Variants in FRMD4A observed in about 807,000 individuals in gnomAD.
FRMD4A encodes FERM domain containing 4A.
FRMD4A carries 29 observed loss-of-function variants against 129.1 expected under a neutral mutation model. The observed-to-expected ratio is 0.22, with a 90% CI of 0.17 to 0.31. The LOEUF (loss-of-function observed/expected upper bound fraction) is 0.31. Among genes scored for constraint, FRMD4A ranks in the 10% least tolerant of loss-of-function variants. The pLI is 1.00. For synonymous variants in FRMD4A, 634 were observed against 571.6 expected (o/e 1.11, Z -1.56); for missense variants, 1,272 against 1,375.8 (o/e 0.92, Z 1.19).
chr10:13,816,382 G>C (rs2093542821), intron 3 of FRMD4A, among the ~76,000 whole-genome samples: 1 of 152,202 alleles, frequency 6.6e-6, no homozygotes, highest in Admixed American at 6.5e-5. Context: ...AGAGTTGATG[G>C]ATGGGCATGT....
chr10:14,038,264 A>G (rs1363655136), intron 2 of FRMD4A, among the ~76,000 whole-genome samples: 2 of 152,226 alleles, frequency 1.3e-5, no homozygotes, highest in African/African-American at 4.8e-5. Flanking sequence ...CGGAGCTTGC[A>G]GTGAGCCAAG....
At chr10:14,030,078 A>C (rs1359664839) in intron 2 of FRMD4A, among the ~76,000 whole-genome samples, 4 of 152,160 alleles carry the variant, frequency 2.6e-5, no homozygotes, top group African/African-American at 9.7e-5. Flanking sequence ...AACAGGGTAG[A>C]ATGTGGTTTC....
At chr10:14,177,369 C>T (rs907581397) in intron 2 of FRMD4A, among the ~76,000 whole-genome samples, 10 of 152,114 alleles carry the variant, frequency 6.6e-5, no homozygotes, top group East Asian at 3.9e-4. Flanking sequence ...GATGGGGTTT[C>T]GCTATGTTGG....
At chr10:13,981,857 G>A (rs1002786444) in intron 2 of FRMD4A, among the ~76,000 whole-genome samples, 3 of 152,126 alleles carry the variant, frequency 2.0e-5, no homozygotes, top group Non-Finnish European at 4.4e-5. Context: ...AGCTCCCAGT[G>A]GGGATCCAGT....
chr10:14,115,547 A>T (rs553380014), intron 2 of FRMD4A, among the ~76,000 whole-genome samples: 2 of 152,014 alleles, frequency 1.3e-5, no homozygotes, highest in African/African-American at 4.8e-5. Flanking sequence ...TGGAAATGTG[A>T]CTCCCAGTGT....
At chr10:13,951,923 T>TAAC (rs2095373920) in intron 2 of FRMD4A, among the ~76,000 whole-genome samples, 2 of 144,428 alleles carry the variant, frequency 1.4e-5, no homozygotes, top group Non-Finnish European at 3.1e-5. Context: ...ATAATAATAA[T>TAAC]AATAATAAAC....
At chr10:13,938,366 C>T (rs537348184) in intron 2 of FRMD4A, among the ~76,000 whole-genome samples, 5 of 152,128 alleles carry the variant, frequency 3.3e-5, no homozygotes, top group Admixed American at 1.3e-4. Context: ...CTCAGCCTCC[C>T]GAATACCTAG....
intron 2 of FRMD4A, among the ~76,000 whole-genome samples, chr10:14,324,818 G>A (rs1045803712): frequency 1.3e-5 from 2 of 152,192 alleles, no homozygotes; most frequent in East Asian, 1.9e-4. Flanking sequence ...ACCCCACCAC[G>A]CCTTGCTAAT....
At chr10:13,812,047 G>A (rs192667993) in intron 3 of FRMD4A, among the ~76,000 whole-genome samples, 6 of 152,024 alleles carry the variant, frequency 3.9e-5, no homozygotes, top group Middle Eastern at 3.4e-3. Context: ...CATGCCCAAC[G>A]AATTTTTGTA....
chr10:14,004,544 G>GA (rs571946533), intron 2 of FRMD4A, among the ~76,000 whole-genome samples: 88 of 151,278 alleles, frequency 5.8e-4, no homozygotes, highest in Admixed American at 3.8e-3. Flanking sequence ...TCTGTCTCAA[G>GA]AAAAAAACAA....
intron 2 of FRMD4A, among the ~76,000 whole-genome samples, chr10:13,966,361 A>G (rs911420850): frequency 6.6e-6 from 1 of 152,178 alleles, no homozygotes; most frequent in Non-Finnish European, 1.5e-5. Flanking sequence ...TTGGTGCAAA[A>G]GCAATGGCGG....
chr10:13,650,364 G>A (rs1401100791), intron 24 of FRMD4A, among the ~76,000 whole-genome samples: 2 of 152,144 alleles, frequency 1.3e-5, no homozygotes, highest in African/African-American at 4.8e-5. Context: ...AGGTGCTGTT[G>A]CTCAGTATAA....
chr10:13,685,491 G>A, intron 15 of FRMD4A: 1 of 985,044 alleles, frequency 1.0e-6, no homozygotes, highest in Non-Finnish European at 1.2e-6. Flanking sequence ...TGAGGGAGCT[G>A]ACCTATCTTC....
chr10:13,828,055 C>G (rs1029956579), intron 3 of FRMD4A, among the ~76,000 whole-genome samples: 5 of 152,246 alleles, frequency 3.3e-5, no homozygotes, highest in Admixed American at 2.6e-4. Flanking sequence ...CAAGCTCCAG[C>G]AGGCCTCGTC....
intron 6 of FRMD4A, among the ~76,000 whole-genome samples, chr10:13,767,621 T>A (rs1425475313): frequency 1.3e-5 from 2 of 152,124 alleles, no homozygotes; most frequent in East Asian, 1.9e-4. Context: ...AAAATCCCAT[T>A]TTTTTCCTGG....
chr10:14,159,801 G>C (rs944238302), intron 2 of FRMD4A, among the ~76,000 whole-genome samples: 1 of 152,190 alleles, frequency 6.6e-6, no homozygotes. Context: ...TGTAATCCTC[G>C]CACTTTGGAA....
intron 2 of FRMD4A, chr10:13,971,548 T>A: frequency 1.8e-6 from 1 of 563,522 alleles, no homozygotes. Flanking sequence ...AAATGTAACA[T>A]GCTTCAGAGT....
At chr10:14,044,124 C>T (rs1833891571) in intron 2 of FRMD4A, among the ~76,000 whole-genome samples, 1 of 152,216 alleles carries the variant, frequency 6.6e-6, no homozygotes, top group African/African-American at 2.4e-5. Flanking sequence ...CCACTGTGTC[C>T]TGCCCTTTGG....
intron 2 of FRMD4A, among the ~76,000 whole-genome samples, chr10:14,315,555 A>G (rs148134895): frequency 2.7e-4 from 41 of 152,316 alleles, no homozygotes; most frequent in African/African-American, 8.9e-4. Context: ...GATCCAGTCA[A>G]AATGCAAATC....
Sources: gnomAD v4.1 joint callset for allele counts (sites outside exome capture counted in the v4.1 genomes callset) on GRCh38, gnomAD v4.1.1 for gene constraint, MANE v1.5 for transcripts, NCBI Gene and HGNC (gene_info 2026-07-23, HGNC 2026-07-21) for gene names.